Variants in EMCN observed in about 807,000 individuals in gnomAD.
EMCN encodes the protein MUC-14.
EMCN carries 37 observed loss-of-function variants against 38.4 expected under a neutral mutation model. The ratio of observed to expected loss-of-function variants is 0.96; its 90% confidence interval spans 0.74 to 1.27. EMCN has a LOEUF of 1.27. Among genes scored for constraint, EMCN ranks in the 50% most tolerant of loss-of-function variants. EMCN has a pLI of 0.00. For missense variants in EMCN, 318 were observed against 302.8 expected (o/e 1.05, Z -0.37); for synonymous variants, 95 against 100.8 (o/e 0.94, Z 0.35).
intron 1 of EMCN, among the ~76,000 whole-genome samples, chr4:100,502,692 C>T (rs1170087123): frequency 6.6e-6 from 1 of 152,126 alleles, no homozygotes; most frequent in East Asian, 1.9e-4. Context: ...TAACATTTTA[C>T]TATTATTCAC....
intron 4 of EMCN, 51 bp downstream of exon 4, chr4:100,465,372 G>T: frequency 9.4e-7 from 1 of 1,061,332 alleles, no homozygotes; most frequent in Non-Finnish European, 1.4e-6. Flanking sequence ...TCTGAAACTA[G>T]TTTTATGCAA....
At chr4:100,494,910 A>G (rs1729172514) in intron 1 of EMCN, among the ~76,000 whole-genome samples, 1 of 152,084 alleles carries the variant, frequency 6.6e-6, no homozygotes, top group Admixed American at 6.6e-5. Flanking sequence ...ACTGTGATAT[A>G]AACCTCCCAT....
intron 1 of EMCN, among the ~76,000 whole-genome samples, chr4:100,511,234 A>G (rs937230227): frequency 1.3e-5 from 2 of 152,286 alleles, no homozygotes; most frequent in Non-Finnish European, 2.9e-5. Flanking sequence ...ACTTTATACT[A>G]TTTCCAAGCA....
At chr4:100,441,013 GT>G (rs771047797) in intron 5 of EMCN, among the ~76,000 whole-genome samples, 37 of 152,032 alleles carry the variant, frequency 2.4e-4, no homozygotes, top group Non-Finnish European at 4.3e-4. Context: ...GTGTGAACCT[GT>G]GAGGCAGAGC....
chr4:100,500,603 G>T (rs1729326751), intron 1 of EMCN, among the ~76,000 whole-genome samples: 1 of 151,944 alleles, frequency 6.6e-6, no homozygotes, highest in African/African-American at 2.4e-5. Context: ...GTGTACATGT[G>T]AATATAATAT....
At chr4:100,512,760 C>T (rs1196564324) in intron 1 of EMCN, among the ~76,000 whole-genome samples, 4 of 148,598 alleles carry the variant, frequency 2.7e-5, no homozygotes, top group Admixed American at 6.8e-5. Flanking sequence ...GAGCCAATAT[C>T]ATACCGTTGC....
Position 100,459,296 on chromosome 4 carries a change from G to A in EMCN, c.376+6127C>T, listed in dbSNP as rs958362613. On this transcript the variant is annotated intron_variant, in intron 4 of 11. Transcript: ENST00000296420. The stretch of plus-strand genomic sequence containing the variant: ...CAGTATATGACAATATTTTGTGTGT[G>A]TGTACACCATATATATATACATATG... Among the ~76,000 whole-genome samples, 7 of 45,336 alleles carry A rather than the reference G, an allele frequency of 1.5e-4. 1 individual carries two copies. Among genetic ancestry groups the A allele is most frequent in the Non-Finnish European group, 4.6e-5 (1 of 21,572 alleles). 29.7% of individuals were successfully genotyped at this position (45,336 alleles called of 152,430 possible). A position where few individuals can be genotyped will look rare whatever the true frequency, so the allele number is the denominator to read the frequency against.
chr4:100,515,996 T>A (rs957624490), intron 1 of EMCN, among the ~76,000 whole-genome samples: 2 of 128,204 alleles, frequency 1.6e-5, no homozygotes, highest in African/African-American at 5.6e-5. Context: ...ATGGAGTAGG[T>A]TTGGTTTGTT....
chr4:100,423,521 A>G lies in EMCN; in HGVS notation c.416-117T>C, dbSNP rs1038321625. On this transcript the variant is annotated intron_variant, in intron 5 of 11. Transcript: ENST00000296420. Reference sequence around the variant, plus strand: ...GATCTGTGAAAACTATTTATTGTCAAATAGTAGGATAAATGCAATCATAAC... The same window carrying G: ...GATCTGTGAAAACTATTTATTGTCAGATAGTAGGATAAATGCAATCATAAC... 8.7e-6 allele frequency: 6 copies of G among 690,720 alleles called. No homozygotes were observed. In the Admixed American group the frequency reaches 1.3e-4, roughly 15 times the overall value. 42.8% of individuals were successfully genotyped at this position (690,720 alleles called of 1,614,324 possible).
intron 4 of EMCN, among the ~76,000 whole-genome samples, chr4:100,456,632 T>G (rs992739619): frequency 6.8e-6 from 1 of 147,266 alleles, no homozygotes; most frequent in Non-Finnish European, 1.5e-5. Context: ...TATCTTTTAG[T>G]TTTTTTTTTG....
intron 10 of EMCN, among the ~76,000 whole-genome samples, chr4:100,415,041 A>C (rs1376088001): frequency 6.6e-6 from 1 of 152,046 alleles, no homozygotes. Context: ...GATTACAGGC[A>C]TGCGCCACCA....
chr4:100,410,962 A>G (rs774757402), intron 10 of EMCN, among the ~76,000 whole-genome samples: 1 of 152,188 alleles, frequency 6.6e-6, no homozygotes, highest in Non-Finnish European at 1.5e-5. Context: ...TGGATTCATG[A>G]CCAATATATT....
intron 2 of EMCN, among the ~76,000 whole-genome samples, chr4:100,475,934 A>C (rs1728635876): frequency 6.6e-6 from 1 of 152,050 alleles, no homozygotes. Context: ...TCGGCCTCCC[A>C]AAATGCTGGG....
intron 2 of EMCN, among the ~76,000 whole-genome samples, chr4:100,475,661 T>G (rs71619732): frequency 0.42 from 11,170 of 26,440 alleles, 1,569 homozygotes; most frequent in Non-Finnish European, 0.47. Flanking sequence ...TTCTAGTCCT[T>G]TTTTTTTTTT....
At chr4:100,445,258 T>C (rs1478005332) in intron 5 of EMCN, among the ~76,000 whole-genome samples, 1 of 152,182 alleles carries the variant, frequency 6.6e-6, no homozygotes, top group Non-Finnish European at 1.5e-5. Flanking sequence ...CCAACATGGA[T>C]CTATTTTTGT....
intron 4 of EMCN, among the ~76,000 whole-genome samples, chr4:100,450,680 A>T (rs1385429257): frequency 6.6e-6 from 1 of 151,970 alleles, no homozygotes. Flanking sequence ...CTAAGACTTT[A>T]TCATCCTGAG....
chr4:100,395,467 C>CATTATAGGTTTA lies in EMCN; in HGVS notation c.*2934_*2945dup, dbSNP rs1382846513. 1 of 152,062 alleles carries CATTATAGGTTTA rather than the reference C, an allele frequency of 6.6e-6. No individual in the cohort carries two copies. 9.4% of individuals were successfully genotyped at this position (152,062 alleles called of 1,614,324 possible). On this transcript the variant is annotated 3_prime_UTR_variant, in exon 12 of 12. Coordinates refer to ENST00000296420, the MANE Select transcript of EMCN (RefSeq NM_016242.4). ...TTAAGAATTCTCCATTAAGAATACT[C>CATTATAGGTTTA]ATTATAGGTTTAATTAATCACAATG...
intron 5 of EMCN, among the ~76,000 whole-genome samples, chr4:100,431,076 A>G (rs1727184122): frequency 6.6e-6 from 1 of 152,134 alleles, no homozygotes; most frequent in Admixed American, 6.6e-5. Context: ...AGTGTCAAAC[A>G]CAGTGAATAT....
rs375807447 is a variant in EMCN, at chr4:100,455,663, T to A, written c.377-8092A>T. On this transcript the variant is annotated intron_variant, in intron 4 of 11. Coordinates refer to ENST00000296420, the MANE Select transcript of EMCN (RefSeq NM_016242.4). ...AGCTTCTTTCAAGATTTTCTCTTTA[T>A]CTCCGGTTTTCCATGATTTGATTAT... Among the ~76,000 whole-genome samples, 18 of 152,200 alleles carry A rather than the reference T, an allele frequency of 1.2e-4. No individual in the cohort carries two copies. In the South Asian group the frequency reaches 2.7e-3, roughly 23 times the overall value.
Sources: allele counts gnomAD v4.1 joint callset (sites outside exome capture counted in the v4.1 genomes callset), GRCh38; gene constraint gnomAD v4.1.1; transcripts MANE v1.5; gene names NCBI Gene and HGNC (gene_info 2026-07-23, HGNC 2026-07-21).